The following PLEKHG1 variants were observed in gnomAD, a reference collection of about 807,000 sequenced individuals.
PLEKHG1 encodes the protein pleckstrin homology domain-containing family G member 1.
In PLEKHG1, 44 loss-of-function variants were observed where a neutral mutation model predicts 100.8. The ratio of observed to expected loss-of-function variants is 0.44; its 90% CI spans 0.34 to 0.56. PLEKHG1 has a LOEUF of 0.56. PLEKHG1 is among the 20% of genes least tolerant of loss of function. The pLI, the probability that PLEKHG1 is intolerant of heterozygous loss-of-function variation, is 0.01. For synonymous variants in PLEKHG1, 640 were observed against 662.5 expected (o/e 0.97, Z 0.52); for missense variants, 1,545 against 1,720.9 (o/e 0.90, Z 1.81).
intron 2 of PLEKHG1, among the ~76,000 whole-genome samples, chr6:150,764,210 C>A (rs576545326): frequency 6.6e-6 from 1 of 151,528 alleles, no homozygotes; most frequent in African/African-American, 2.4e-5. Flanking sequence ...CTTTGCCTCC[C>A]GGGTTCAAGC....
chr6:150,653,161 A>G (rs566947136), intron 3 of PLEKHG1, among the ~76,000 whole-genome samples: 3 of 152,342 alleles, frequency 2.0e-5, no homozygotes, highest in African/African-American at 7.2e-5. Flanking sequence ...CTCAGGGCCC[A>G]TGATACTTTC....
intron 3 of PLEKHG1, among the ~76,000 whole-genome samples, chr6:150,698,349 T>C (rs1030431768): frequency 6.6e-6 from 1 of 152,196 alleles, no homozygotes; most frequent in Non-Finnish European, 1.5e-5. Context: ...ACTTTTGGAT[T>C]AGGGACGCTC....
intron 1 of PLEKHG1, among the ~76,000 whole-genome samples, chr6:150,730,228 A>C (rs4242275): frequency 0.18 from 27,269 of 151,636 alleles, 3,766 homozygotes; most frequent in African/African-American, 0.38. Flanking sequence ...GCAGATCTGT[A>C]GGGGGTAGAC....
chr6:150,805,942 C>T (rs1466393034), intron 7 of PLEKHG1, among the ~76,000 whole-genome samples: 2 of 152,190 alleles, frequency 1.3e-5, no homozygotes, highest in African/African-American at 4.8e-5. Flanking sequence ...TGATCATGCC[C>T]TGGGCACCTC....
At chr6:150,759,139 A>G (rs1458557966) in intron 2 of PLEKHG1, among the ~76,000 whole-genome samples, 1 of 152,208 alleles carries the variant, frequency 6.6e-6, no homozygotes, top group Non-Finnish European at 1.5e-5. Context: ...AAAGGAGTGT[A>G]AAGGCATGCA....
chr6:150,793,833 G>C (rs1436364918), intron 4 of PLEKHG1, among the ~76,000 whole-genome samples: 1 of 152,082 alleles, frequency 6.6e-6, no homozygotes, highest in Non-Finnish European at 1.5e-5. Context: ...TGCAATCCCA[G>C]CACTTTGGGA....
chr6:150,720,873 G>A (rs1475233520), upstream of PLEKHG1, among the ~76,000 whole-genome samples: 1 of 152,212 alleles, frequency 6.6e-6, no homozygotes, highest in Non-Finnish European at 1.5e-5. Context: ...AAGTGGTAGG[G>A]TGTTGCTCAG....
intron 10 of PLEKHG1, among the ~76,000 whole-genome samples, chr6:150,815,951 G>A (rs1351943247): frequency 6.6e-6 from 1 of 152,170 alleles, no homozygotes; most frequent in Non-Finnish European, 1.5e-5. Flanking sequence ...ATGGAGGCAG[G>A]GGGAGGCTTT....
intron 7 of PLEKHG1, among the ~76,000 whole-genome samples, 161 bp from the exon 9 acceptor site, chr6:150,808,944 T>C (rs1402928652): frequency 6.6e-6 from 1 of 152,196 alleles, no homozygotes; most frequent in Non-Finnish European, 1.5e-5. Context: ...GCACCACTTG[T>C]AAATGCAGAT....
At chr6:150,698,711 G>A (rs1476776369) in intron 3 of PLEKHG1, among the ~76,000 whole-genome samples, 3 of 152,196 alleles carry the variant, frequency 2.0e-5, no homozygotes, top group African/African-American at 4.8e-5. Flanking sequence ...CAACAGTTGT[G>A]CAGGTTGTTT....
chr6:150,823,797 T>G (rs957229371), intron 14 of PLEKHG1, 121 bp downstream of exon 15: 2 of 703,108 alleles, frequency 2.8e-6, no homozygotes, highest in African/African-American at 3.6e-5. Context: ...TTTTACATTT[T>G]GGAAATATGG....
At chr6:150,752,276 A>T (rs1783565233) in intron 2 of PLEKHG1, among the ~76,000 whole-genome samples, 1 of 152,212 alleles carries the variant, frequency 6.6e-6, no homozygotes, top group African/African-American at 2.4e-5. Context: ...AAGGTTTTTC[A>T]TTGTGGGAAG....
intron 1 of PLEKHG1, among the ~76,000 whole-genome samples, chr6:150,724,854 C>G (rs1000742411): frequency 6.6e-6 from 1 of 152,168 alleles, no homozygotes; most frequent in Non-Finnish European, 1.5e-5. Flanking sequence ...GGCCACCGCG[C>G]CTGGCCTAGG....
At chr6:150,630,002 C>G (rs1304763442) in intron 1 of PLEKHG1, among the ~76,000 whole-genome samples, 1 of 152,058 alleles carries the variant, frequency 6.6e-6, no homozygotes, top group Non-Finnish European at 1.5e-5. Flanking sequence ...TCTGGGCAGC[C>G]TTTTCCTAGC....
intron 2 of PLEKHG1, among the ~76,000 whole-genome samples, chr6:150,763,044 T>TTTTTTTTTTTTA (rs1784261257): frequency 1.4e-5 from 2 of 146,148 alleles, no homozygotes; most frequent in Admixed American, 6.9e-5. Context: ...TTTTTTTTTT[T>TTTTTTTTTTTTA]GAGACGGAGT....
At chr6:150,807,502 T>G (rs977871662) in intron 7 of PLEKHG1, among the ~76,000 whole-genome samples, 2 of 152,252 alleles carry the variant, frequency 1.3e-5, no homozygotes, top group Non-Finnish European at 2.9e-5. Context: ...TGTGAATATT[T>G]TCATTTTTCA....
chr6:150,724,230 G>A (rs1781840559), intron 1 of PLEKHG1, among the ~76,000 whole-genome samples: 1 of 152,230 alleles, frequency 6.6e-6, no homozygotes, highest in Non-Finnish European at 1.5e-5. Flanking sequence ...AAAATCTAAT[G>A]TCTTGAGAAA....
chr6:150,805,155 G>A (rs903849428), intron 7 of PLEKHG1, among the ~76,000 whole-genome samples: 6 of 151,794 alleles, frequency 4.0e-5, no homozygotes, highest in East Asian at 3.9e-4. Flanking sequence ...GGCTGGTCTC[G>A]AACTCCCGAC....
At chr6:150,779,199 A>T (rs1785156900) in intron 3 of PLEKHG1, among the ~76,000 whole-genome samples, 1 of 152,124 alleles carries the variant, frequency 6.6e-6, no homozygotes, top group Admixed American at 6.5e-5. Context: ...CCAGGCATTC[A>T]TTCACAGATG....
Sources: gnomAD v4.1 joint callset for allele counts (sites outside exome capture counted in the v4.1 genomes callset) on GRCh38, gnomAD v4.1.1 for gene constraint, MANE v1.5 for transcripts, NCBI Gene and HGNC (gene_info 2026-07-23, HGNC 2026-07-21) for gene names.